Variants in LYRM4 observed in about 807,000 individuals in gnomAD.
LYRM4 encodes LYR motif containing 4, also known as LYR motif-containing protein 4.
Under a neutral mutation model 11.7 loss-of-function variants are expected in LYRM4, and 9 were observed. The ratio of observed to expected loss-of-function variants is 0.77; its 90% CI spans 0.46 to 1.34. LYRM4 has a LOEUF of 1.34. Ranked by LOEUF, LYRM4 falls within the 40% of genes most tolerant of loss-of-function variation. The pLI, the probability that LYRM4 is intolerant of heterozygous loss-of-function variation, is 0.00. For missense variants in LYRM4, 133 were observed against 112.5 expected, an observed-to-expected ratio of 1.18 and a Z score of -0.82; for synonymous variants, 42 against 40.4, an observed-to-expected ratio of 1.04 and a Z score of -0.15.
chr6:5,167,929 A>G (rs1192414609), intron 2 of LYRM4, among the ~76,000 whole-genome samples: 1 of 151,902 alleles, frequency 6.6e-6, no homozygotes, highest in Admixed American at 6.6e-5. Flanking sequence ...GGAAAAAAAA[A>G]CTGTTATAAA....
chr6:5,192,699 A>G (rs899118907), intron 2 of LYRM4, among the ~76,000 whole-genome samples: 1 of 152,184 alleles, frequency 6.6e-6, no homozygotes, highest in Admixed American at 6.5e-5. Flanking sequence ...AAGGCACCAA[A>G]TCCACAACAG....
At chr6:5,120,964 A>G (rs1487424669) in intron 2 of LYRM4, among the ~76,000 whole-genome samples, 1 of 152,100 alleles carries the variant, frequency 6.6e-6, no homozygotes, top group Non-Finnish European at 1.5e-5. Flanking sequence ...GGAATTTCTC[A>G]TCAGGGAGGT....
chr6:5,150,666 G>C (rs1040997536), intron 2 of LYRM4, among the ~76,000 whole-genome samples: 4 of 152,194 alleles, frequency 2.6e-5, no homozygotes, highest in African/African-American at 4.8e-5. Flanking sequence ...GTGAGCAGCA[G>C]AGTGTCATGC....
rs757647681 is a variant in LYRM4, at chr6:5,194,103, AAG to A, written c.207+22513_207+22514del. ...TGGGGGGTGGGGGAAGAGAATGAGA[AAG>A]AGAGAGACAGAGGACAAACATGGAG... On this transcript the variant is annotated intron_variant, in intron 2 of 2. Coordinates refer to ENST00000330636, the MANE Select transcript of LYRM4 (RefSeq NM_020408.6). Among the ~76,000 whole-genome samples, 6 of 147,994 alleles carry A rather than the reference AAG, an allele frequency of 4.1e-5. No homozygotes were observed. In the South Asian group the frequency reaches 1.1e-3, roughly 28 times the overall value.
the LYRM4 span, among the ~76,000 whole-genome samples, chr6:5,035,397 A>G: frequency 6.6e-6 from 1 of 151,484 alleles, no homozygotes; most frequent in African/African-American, 2.4e-5. Context: ...CCCCTAGGGC[A>G]GCTGAAAATC....
At chr6:5,199,694 A>C in intron 2 of LYRM4, among the ~76,000 whole-genome samples, 1 of 152,190 alleles carries the variant, frequency 6.6e-6, no homozygotes, top group East Asian at 1.9e-4. Flanking sequence ...AATTGCCAGG[A>C]ATTGCCAGGC....
At chr6:5,074,366 T>C in the LYRM4 span, among the ~76,000 whole-genome samples, 10 of 151,666 alleles carry the variant, frequency 6.6e-5, no homozygotes, top group Non-Finnish European at 8.8e-5. Flanking sequence ...TGGCTAATTT[T>C]GATAATGAGA....
In LYRM4 at chr6:5,260,879, C is replaced by A; in HGVS notation, c.-146G>T. Reference sequence around the variant, plus strand: ...CCAGCGGGCCGGGCCTAAGCCTAAGCGGGCAGCCCTGCGGATCGCGGACGG... The same window carrying A: ...CCAGCGGGCCGGGCCTAAGCCTAAGAGGGCAGCCCTGCGGATCGCGGACGG... On this transcript the variant is annotated 5_prime_UTR_variant, in exon 1 of 3. Transcript: ENST00000330636. 1 of 1,428,568 alleles carries A rather than the reference C, an allele frequency of 7.0e-7. No homozygotes were observed. The allele number at this position is 1,428,568 out of a possible 1,614,324, so 88.5% of individuals were successfully genotyped here.
At chr6:5,218,532 A>G (rs945719513) in intron 1 of LYRM4, 4 of 228,270 alleles carry the variant, frequency 1.8e-5, no homozygotes, top group Non-Finnish European at 2.9e-5. Flanking sequence ...TTATGATACT[A>G]GGAATCATAA....
chr6:5,218,576 G>C (rs939371635), intron 1 of LYRM4, among the ~76,000 whole-genome samples: 1 of 152,210 alleles, frequency 6.6e-6, no homozygotes, highest in Admixed American at 6.5e-5. Context: ...CCGGTACTTA[G>C]AATGTAAGAC....
the LYRM4 span, chr6:5,088,880 A>G: frequency 6.6e-6 from 1 of 152,348 alleles, no homozygotes; most frequent in South Asian, 2.1e-4. Flanking sequence ...AAAAAATAGT[A>G]ACACATCAGT....
At chr6:5,121,435 G>T (rs953093021) in intron 2 of LYRM4, among the ~76,000 whole-genome samples, 1 of 152,132 alleles carries the variant, frequency 6.6e-6, no homozygotes, top group Non-Finnish European at 1.5e-5. Flanking sequence ...CTACCTCCCC[G>T]ACCCCTGATG....
At chr6:5,172,845 A>C (rs954731870) in intron 2 of LYRM4, among the ~76,000 whole-genome samples, 1 of 152,222 alleles carries the variant, frequency 6.6e-6, no homozygotes, top group Admixed American at 6.5e-5. Flanking sequence ...CTAATAAAGC[A>C]ATATGGCATT....
intron 2 of LYRM4, among the ~76,000 whole-genome samples, chr6:5,126,363 G>A (rs1227677136): frequency 6.6e-6 from 1 of 152,172 alleles, no homozygotes; most frequent in Admixed American, 6.5e-5. Context: ...TGGGGAGATC[G>A]GCAGTGTAGT....
the LYRM4 span, among the ~76,000 whole-genome samples, chr6:5,043,679 G>GC: frequency 6.6e-6 from 1 of 152,032 alleles, no homozygotes; most frequent in Non-Finnish European, 1.5e-5. Flanking sequence ...CCTCCTCTGT[G>GC]CCACCCCCCA....
intron 2 of LYRM4, among the ~76,000 whole-genome samples, chr6:5,152,354 A>T (rs1487859742): frequency 6.6e-6 from 1 of 152,178 alleles, no homozygotes; most frequent in Non-Finnish European, 1.5e-5. Flanking sequence ...CAACTATGTC[A>T]CTCGGGGAAA....
chr6:5,254,891 G>C (rs1764596394), intron 1 of LYRM4, among the ~76,000 whole-genome samples: 1 of 152,072 alleles, frequency 6.6e-6, no homozygotes, highest in African/African-American at 2.4e-5. Context: ...AAATTCCGGT[G>C]GGAGGTGGAG....
chr6:5,216,684 C>T lies in LYRM4; in HGVS notation c.141G>A (p.Lys47=). Residue 47 remains lysine (K), a synonymous_variant, in exon 2 of 3, where the codon AAG becomes AAA. Coordinates refer to ENST00000330636, the MANE Select transcript of LYRM4 (RefSeq NM_020408.6). ...CTAGGGTTTGAATTTCTACAGGATC[C>T]TTTACATTTTTATTTTCTCTGAAGG... The part of the protein sequence containing the change: ...RDAFRENKNV[K]DPVEIQTLVN... 2 of 1,613,896 alleles carry T rather than the reference C, an allele frequency of 1.2e-6. No individual in the cohort carries two copies. Among genetic ancestry groups the T allele is most frequent in the Admixed American group, 1.7e-5 (1 of 60,008 alleles).
the LYRM4 span, chr6:5,086,002 G>A: frequency 6.6e-7 from 1 of 1,519,990 alleles, no homozygotes; most frequent in Non-Finnish European, 8.8e-7. Context: ...GCGTGCCGAG[G>A]ACCTGGAGCA....
Sources: allele counts gnomAD v4.1 joint callset (sites outside exome capture counted in the v4.1 genomes callset), GRCh38; gene constraint gnomAD v4.1.1; transcripts MANE v1.5; gene names NCBI Gene and HGNC (gene_info 2026-07-23, HGNC 2026-07-21).